TBPL1: variants seen among roughly 807,000 people sequenced by gnomAD.
The protein encoded by TBPL1 is TATA box-binding protein-like 1.
A neutral mutation model predicts 22.1 loss-of-function variants in TBPL1; 4 were observed. That is an observed-to-expected ratio of 0.18 (90% CI 0.09 to 0.41). TBPL1 has a LOEUF of 0.41. Among genes scored for constraint, TBPL1 ranks in the 10% least tolerant of loss-of-function variants. TBPL1 has a pLI of 1.00. For synonymous variants in TBPL1, 64 were observed against 71.0 expected (o/e 0.90, Z 0.50); for missense variants, 115 against 222.3 (o/e 0.52, Z 3.07).
intron 1 of TBPL1, among the ~76,000 whole-genome samples, chr6:133,974,394 C>T (rs192018101): frequency 1.1e-4 from 16 of 152,238 alleles, no homozygotes; most frequent in African/African-American, 3.1e-4. Flanking sequence ...AGTGCAGTGG[C>T]GCGATCTCAG....
In TBPL1 at chr6:133,986,962, G is replaced by A; in HGVS notation, c.483G>A (p.Gly161=). ...IFSTGSITVT[G]PNVKAVATAV... ...CTTCCTCCATTGTGTTTATTACAGG[G>A]CCCAATGTAAAGGCTGTTGCTACTG... The change falls in exon 7 of 7, where the codon GGG becomes GGA. Residue 161 remains glycine (G), a splice_region_variant and synonymous_variant. Coordinates refer to ENST00000237264, the MANE Select transcript of TBPL1 (RefSeq NM_004865.4). 1 of 1,605,600 alleles carries A rather than the reference G, an allele frequency of 6.2e-7. No individual in the cohort carries two copies. The highest frequency in any genetic ancestry group is 8.5e-7 in the Non-Finnish European group (1 of 1,175,740).
At chr6:133,981,430 A>G (rs945882566) in intron 2 of TBPL1, among the ~76,000 whole-genome samples, 2 of 152,184 alleles carry the variant, frequency 1.3e-5, no homozygotes, top group Admixed American at 1.3e-4. Flanking sequence ...AATATGCCTA[A>G]CACTGCTTTG....
chr6:133,985,300 AT>A (rs1562668610), intron 6 of TBPL1, among the ~76,000 whole-genome samples: 642 of 35,600 alleles, frequency 0.018, 40 homozygotes, highest in Non-Finnish European at 0.024. Context: ...AAAAAAAAAT[AT>A]ATATATATAT....
intron 1 of TBPL1, among the ~76,000 whole-genome samples, chr6:133,975,183 C>T (rs572947265): frequency 4.0e-5 from 6 of 151,738 alleles, no homozygotes; most frequent in African/African-American, 1.2e-4. Flanking sequence ...GCAAGATTGA[C>T]GAGAGCAATA....
Position 133,989,540 on chromosome 6 carries a change from AAAAC to A in TBPL1, c.*2504_*2507del, listed in dbSNP as rs1316706203. The A allele has an allele frequency of 6.6e-6, 1 of 152,166 alleles. No individual in the cohort carries two copies. The highest frequency in any genetic ancestry group is 2.4e-5 in the African/African-American group (1 of 41,442). 9.4% of individuals were successfully genotyped at this position (152,166 alleles called of 1,614,324 possible). On this transcript the variant is annotated 3_prime_UTR_variant, in exon 7 of 7. Coordinates refer to ENST00000237264, the MANE Select transcript of TBPL1 (RefSeq NM_004865.4). ...AGAACACACTTCCCTTCTCTTTCCA[AAAAC>A]AAAAAACAATGCATGCTCTGATTTG...
chr6:133,984,583 A>G lies in TBPL1; in HGVS notation c.393A>G (p.Glu131=). 1 of 1,613,310 alleles carries G rather than the reference A, an allele frequency of 6.2e-7. No homozygotes were observed. Among genetic ancestry groups the G allele is most frequent in the East Asian group, 2.2e-5 (1 of 44,806 alleles). The change falls in exon 6 of 7, where the codon GAA becomes GAG. Residue 131 remains glutamate, a synonymous_variant. Transcript: ENST00000237264. ...TKNNRPHASY[E]PELHPAVCYR... The stretch of plus-strand genomic sequence containing the variant: ...TGTGGCTTATTTTGTGTAGTTACGA[A>G]CCTGAACTTCATCCTGCTGTGTGCT...
intron 1 of TBPL1, among the ~76,000 whole-genome samples, chr6:133,954,937 T>C (rs1255832553): frequency 6.6e-6 from 1 of 152,142 alleles, no homozygotes; most frequent in Admixed American, 6.5e-5. Context: ...GCTTTTAATA[T>C]GGAATTGAGG....
At chr6:133,962,263 A>G (rs905370839) in intron 1 of TBPL1, among the ~76,000 whole-genome samples, 2 of 152,172 alleles carry the variant, frequency 1.3e-5, no homozygotes, top group African/African-American at 4.8e-5. Context: ...GCTTCTTCAG[A>G]TAGGGAGACA....
At chr6:133,985,297 A>C (rs4598088) in intron 6 of TBPL1, among the ~76,000 whole-genome samples, 5 of 42,916 alleles carry the variant, frequency 1.2e-4, no homozygotes, top group South Asian at 1.0e-3. Context: ...AAAAAAAAAA[A>C]ATATATATAT....
At chr6:133,981,458 A>G (rs1776411766) in intron 2 of TBPL1, among the ~76,000 whole-genome samples, 1 of 152,184 alleles carries the variant, frequency 6.6e-6, no homozygotes, top group African/African-American at 2.4e-5. Context: ...AGCATGACAT[A>G]TGGAAAGGAA....
At chr6:133,955,593 A>G (rs901296944) in intron 1 of TBPL1, among the ~76,000 whole-genome samples, 2 of 152,208 alleles carry the variant, frequency 1.3e-5, no homozygotes, top group African/African-American at 4.8e-5. Flanking sequence ...TGTGAATACA[A>G]CAGGTTAAGA....
At chr6:133,957,472 T>C (rs1432836687) in intron 1 of TBPL1, among the ~76,000 whole-genome samples, 2 of 152,226 alleles carry the variant, frequency 1.3e-5, no homozygotes, top group East Asian at 3.8e-4. Flanking sequence ...AGAACTTAAG[T>C]CTTACTTAAA....
At chr6:133,956,124 C>T (rs967128671) in intron 1 of TBPL1, among the ~76,000 whole-genome samples, 7 of 152,022 alleles carry the variant, frequency 4.6e-5, no homozygotes, top group African/African-American at 1.7e-4. Flanking sequence ...GATTGATTTC[C>T]TTCTGTTTCA....
chr6:133,975,402 G>A (rs1395828630), intron 1 of TBPL1, among the ~76,000 whole-genome samples: 5 of 152,016 alleles, frequency 3.3e-5, no homozygotes, highest in Non-Finnish European at 7.4e-5. Context: ...GAATTTAAAA[G>A]TTTAAATTCA....
chr6:133,983,278 C>A (rs1776448231), intron 4 of TBPL1, among the ~76,000 whole-genome samples: 2 of 152,226 alleles, frequency 1.3e-5, no homozygotes, highest in Non-Finnish European at 2.9e-5. Flanking sequence ...GGCTCTCACA[C>A]TTGTAACGTG....
chr6:133,957,079 TCTGTGA>T (rs1775939823), intron 1 of TBPL1, among the ~76,000 whole-genome samples: 1 of 152,182 alleles, frequency 6.6e-6, no homozygotes, highest in Non-Finnish European at 1.5e-5. Context: ...ATTCTACTTG[TCTGTGA>T]CTAAAGGGTG....
intron 2 of TBPL1, among the ~76,000 whole-genome samples, chr6:133,980,962 ATTTTTTTTTTTTT>A (rs10713725): frequency 2.7e-4 from 26 of 97,120 alleles, no homozygotes; most frequent in Admixed American, 2.5e-3. Context: ...TAATTAATTA[ATTTTTTTTTTTTT>A]TTTTTTTTTT....
At chr6:133,964,575 G>A (rs962279875) in intron 1 of TBPL1, among the ~76,000 whole-genome samples, 16 of 150,284 alleles carry the variant, frequency 1.1e-4, no homozygotes, top group Admixed American at 2.6e-4. Context: ...CTCAGCCTCC[G>A]AGTAGCTGGG....
chr6:133,982,200 A>G (rs376459519), intron 2 of TBPL1, among the ~76,000 whole-genome samples: 1 of 152,210 alleles, frequency 6.6e-6, no homozygotes, highest in Non-Finnish European at 1.5e-5. Context: ...TGAAAGCAAC[A>G]GCTACTGCAA....
Sources: gnomAD v4.1 joint callset for allele counts (sites outside exome capture counted in the v4.1 genomes callset) on GRCh38, gnomAD v4.1.1 for gene constraint, MANE v1.5 for transcripts, NCBI Gene and HGNC (gene_info 2026-07-23, HGNC 2026-07-21) for gene names.